The following COMMD10 variants were observed in gnomAD, a reference collection of about 807,000 sequenced individuals.
COMMD10 encodes COMM domain-containing protein 10.
COMMD10 carries 33 observed loss-of-function variants against 28.9 expected under a neutral mutation model. The ratio of observed to expected loss-of-function variants is 1.14; its 90% confidence interval spans 0.87 to 1.53. The LOEUF (loss-of-function observed/expected upper bound fraction) is 1.53, where lower values mean the gene tolerates loss of function less well. Ranked by LOEUF, COMMD10 falls within the 40% of genes most tolerant of loss-of-function variation. COMMD10 has a pLI of 0.00. For missense variants in COMMD10, 310 were observed against 233.4 expected (o/e 1.33, Z -2.14); for synonymous variants, 110 against 81.7 (o/e 1.35, Z -1.87).
intron 5 of COMMD10, among the ~76,000 whole-genome samples, chr5:116,211,696 A>G (rs917498212): frequency 6.6e-5 from 10 of 152,144 alleles, no homozygotes; most frequent in African/African-American, 2.4e-4. Flanking sequence ...TATATGGAGT[A>G]TTTTAAATAA....
At chr5:116,219,834 A>T (rs551614065) in intron 5 of COMMD10, among the ~76,000 whole-genome samples, 2 of 152,290 alleles carry the variant, frequency 1.3e-5, no homozygotes, top group South Asian at 4.1e-4. Flanking sequence ...TTGCTTTCTA[A>T]TTTGTGAAAA....
chr5:116,292,989 A>C lies in COMMD10; in HGVS notation c.*500A>C, dbSNP rs1386129222. 5.0e-6 allele frequency: 2 copies of C among 397,226 alleles called. No homozygotes were observed. Among genetic ancestry groups the C allele is most frequent in the Non-Finnish European group, 4.4e-6 (1 of 225,212 alleles). The allele number at this position is 397,226 out of a possible 1,614,324, so 24.6% of individuals were successfully genotyped here. A position where few individuals can be genotyped will look rare whatever the true frequency, so the allele number is the denominator to read the frequency against. ...GTATATTTTGCTTCGGAAATAATAT[A>C]GGAAGGAAATGTAAAATAGTGAGTA... On this transcript the variant is annotated 3_prime_UTR_variant, in exon 7 of 7. Coordinates refer to ENST00000274458, the MANE Select transcript of COMMD10 (RefSeq NM_016144.4).
At chr5:116,138,139 A>T (rs1251419405) in intron 5 of COMMD10, among the ~76,000 whole-genome samples, 1 of 151,896 alleles carries the variant, frequency 6.6e-6, no homozygotes, top group Non-Finnish European at 1.5e-5. Context: ...TTATTTCCAT[A>T]AACAAAATTA....
At chr5:116,149,383 G>T (rs1752441596) in intron 5 of COMMD10, among the ~76,000 whole-genome samples, 1 of 146,440 alleles carries the variant, frequency 6.8e-6, no homozygotes. Flanking sequence ...TAGTGGGATG[G>T]CTGGGTCAAA....
intron 5 of COMMD10, among the ~76,000 whole-genome samples, chr5:116,146,231 G>A (rs916220406): frequency 4.0e-5 from 6 of 151,810 alleles, no homozygotes; most frequent in Non-Finnish European, 7.4e-5. Context: ...TATCCTAGGA[G>A]TTCCCAATGT....
At chr5:116,129,928 C>A (rs920621694) in intron 4 of COMMD10, among the ~76,000 whole-genome samples, 4 of 150,478 alleles carry the variant, frequency 2.7e-5, no homozygotes, top group Non-Finnish European at 4.4e-5. Context: ...TTTAAGCTTT[C>A]TGAATACTGA....
intron 5 of COMMD10, among the ~76,000 whole-genome samples, chr5:116,186,976 A>C (rs1748158484): frequency 6.6e-6 from 1 of 152,192 alleles, no homozygotes. Context: ...TAATAATTTC[A>C]AATACTAGGA....
At chr5:116,171,846 AG>A (rs1305909253) in intron 5 of COMMD10, among the ~76,000 whole-genome samples, 9 of 151,994 alleles carry the variant, frequency 5.9e-5, no homozygotes, top group African/African-American at 2.2e-4. Flanking sequence ...GGGCTAGGGG[AG>A]GGATAACATT....
intron 5 of COMMD10, among the ~76,000 whole-genome samples, chr5:116,154,923 C>T (rs1266310379): frequency 6.6e-6 from 1 of 152,006 alleles, no homozygotes; most frequent in Admixed American, 6.6e-5. Context: ...GGGAAAGTAC[C>T]ACATTGGATC....
intron 5 of COMMD10, among the ~76,000 whole-genome samples, chr5:116,251,701 C>G (rs377612861): frequency 0.1 from 15,367 of 150,404 alleles, 932 homozygotes; most frequent in African/African-American, 0.2. Context: ...CATTGATGGA[C>G]ATTTGGGTTG....
intron 4 of COMMD10, among the ~76,000 whole-genome samples, chr5:116,129,165 A>G (rs1232950389): frequency 6.6e-6 from 1 of 151,528 alleles, no homozygotes; most frequent in Non-Finnish European, 1.5e-5. Flanking sequence ...TAATTTATAT[A>G]ATTTTAAACT....
At chr5:116,150,836 G>C (rs1752500025) in intron 5 of COMMD10, among the ~76,000 whole-genome samples, 1 of 138,636 alleles carries the variant, frequency 7.2e-6, no homozygotes, top group Admixed American at 7.5e-5. Context: ...TTTCCTAATT[G>C]AATACCCTTT....
intron 5 of COMMD10, among the ~76,000 whole-genome samples, chr5:116,258,707 C>A (rs1322109747): frequency 6.6e-6 from 1 of 151,532 alleles, no homozygotes; most frequent in African/African-American, 2.4e-5. Flanking sequence ...GACCCTTTTT[C>A]ATCCCTTCGT....
intron 4 of COMMD10, among the ~76,000 whole-genome samples, chr5:116,101,571 C>T (rs1019474893): frequency 1.2e-4 from 18 of 151,980 alleles, no homozygotes; most frequent in Non-Finnish European, 1.9e-4. Context: ...GGATTACAGG[C>T]GCACACCACC....
intron 5 of COMMD10, among the ~76,000 whole-genome samples, chr5:116,242,951 G>A (rs980757978): frequency 1.3e-5 from 2 of 152,124 alleles, no homozygotes; most frequent in African/African-American, 4.8e-5. Flanking sequence ...TCCATCTGGG[G>A]AAACATTAAT....
chr5:116,089,990 A>G (rs1245961144), intron 2 of COMMD10, among the ~76,000 whole-genome samples: 3 of 152,196 alleles, frequency 2.0e-5, no homozygotes, highest in Non-Finnish European at 4.4e-5. Context: ...TTCTTAGAAT[A>G]GTGAAACTGA....
intron 5 of COMMD10, among the ~76,000 whole-genome samples, chr5:116,257,610 G>A (rs1329734422): frequency 6.6e-6 from 1 of 151,484 alleles, no homozygotes; most frequent in Non-Finnish European, 1.5e-5. Context: ...TCTTAGCAGG[G>A]GGCCCTTTAC....
chr5:116,128,283 A>G (rs974893232), intron 4 of COMMD10, among the ~76,000 whole-genome samples: 3 of 152,034 alleles, frequency 2.0e-5, no homozygotes, highest in Non-Finnish European at 4.4e-5. Context: ...GGTAAAAGGT[A>G]ATGTAAGTGA....
intron 4 of COMMD10, among the ~76,000 whole-genome samples, chr5:116,120,071 A>G (rs6896119): frequency 0.82 from 124,607 of 152,070 alleles, 51,248 homozygotes; most frequent in African/African-American, 0.84. Flanking sequence ...ATAGCGGCAC[A>G]ATTTGCAATT....
Sources: gnomAD v4.1 joint callset for allele counts (sites outside exome capture counted in the v4.1 genomes callset) on GRCh38, gnomAD v4.1.1 for gene constraint, MANE v1.5 for transcripts, NCBI Gene and HGNC (gene_info 2026-07-23, HGNC 2026-07-21) for gene names.